USP34: variants seen among roughly 807,000 people sequenced by gnomAD.
USP34 encodes the protein ubiquitin specific peptidase 34, also known as ubiquitin carboxyl-terminal hydrolase 34.
A neutral mutation model predicts 460.3 loss-of-function variants in USP34; 70 were observed. The observed-to-expected ratio is 0.15, with a 90% confidence interval of 0.13 to 0.19. USP34 has a LOEUF of 0.19. Ranked by LOEUF, USP34 falls within the 10% of genes least tolerant of loss-of-function variation. USP34 has a pLI of 1.00. For missense variants in USP34, 3,985 were observed against 4,236.2 expected (o/e 0.94, Z 1.65); for synonymous variants, 1,647 against 1,405.3 (o/e 1.17, Z -3.85).
intron 1 of USP34, among the ~76,000 whole-genome samples, chr2:61,440,809 C>G (rs1305398133): frequency 1.3e-5 from 2 of 151,574 alleles, no homozygotes; most frequent in Non-Finnish European, 2.9e-5. Flanking sequence ...TAAGGCACCA[C>G]ACCCGGCCTA....
rs191491262 is a variant in USP34 at position 61,395,129 on chromosome 2, C to T, written c.603+54G>A. 33 of 1,460,012 alleles carry T rather than the reference C, an allele frequency of 2.3e-5. No homozygotes were observed. In the African/African-American group the frequency reaches 4.8e-4, roughly 21 times the overall value. 90.4% of individuals were successfully genotyped at this position (1,460,012 alleles called of 1,614,324 possible). ...TAAATAATAAAACATATGGATGAGG[C>T]TTTGTTAAAAAAATAAAATTTTCCA... is the stretch of plus-strand genomic sequence containing the variant. On this transcript the variant is annotated intron_variant, in intron 4 of 79. Transcript: ENST00000398571.
intron 1 of USP34, among the ~76,000 whole-genome samples, chr2:61,428,649 A>G (rs1347791316): frequency 6.6e-6 from 1 of 152,238 alleles, no homozygotes; most frequent in African/African-American, 2.4e-5. Flanking sequence ...TTACACAAGG[A>G]TAAAATCTGC....
chr2:61,238,570 A>C (rs190868008), intron 53 of USP34, among the ~76,000 whole-genome samples: 1 of 152,338 alleles, frequency 6.6e-6, no homozygotes, highest in African/African-American at 2.4e-5. Context: ...CTTTGGGATT[A>C]ATAACTATGC....
At chr2:61,249,323 C>T (rs2167565) in intron 48 of USP34, among the ~76,000 whole-genome samples, 106,802 of 152,144 alleles carry the variant, frequency 0.7, 37,656 homozygotes, top group South Asian at 0.81. Context: ...CCAAAAGGGC[C>T]ACTAAGTGAC....
rs141872991 is a variant in USP34 at position 61,367,321 on chromosome 2, C to T, written c.1251+3000G>A. Among the ~76,000 whole-genome samples, 507 of 150,246 alleles carry T rather than the reference C, an allele frequency of 3.4e-3. 2 individuals are homozygous for T. Among genetic ancestry groups the T allele is most frequent in the African/African-American group, 0.011 (438 of 41,298 alleles). On this transcript the variant is annotated intron_variant, in intron 10 of 79. Coordinates refer to ENST00000398571, the MANE Select transcript of USP34 (RefSeq NM_014709.4). ...GCACGAGTGCGCGCGCACACACACA[C>T]GCGCGCGCACACACACAAATGCAAT...
At position 61,190,427 on chromosome 2, in the gene USP34, A is replaced by AT. The variant is rs1012721307; in HGVS notation, c.9730-14dup. On this transcript the variant is annotated splice_polypyrimidine_tract_variant and intron_variant, in intron 77 of 79. Coordinates refer to ENST00000398571, the MANE Select transcript of USP34 (RefSeq NM_014709.4). The stretch of plus-strand genomic sequence containing the variant: ...CTTGACTTTGAACCTGAAAAAGAAG[A>AT]TTTAAAAAAATCTCCAAAAGACCAG... The AT allele has an allele frequency of 2.5e-6, 4 of 1,598,334 alleles. No homozygotes were observed. The African/African-American group carries it at 5.4e-5, about 22-fold the overall frequency.
intron 20 of USP34, among the ~76,000 whole-genome samples, chr2:61,326,197 T>C (rs1053369478): frequency 5.9e-5 from 9 of 151,892 alleles, no homozygotes; most frequent in African/African-American, 2.2e-4. Flanking sequence ...TTTGCTTTTT[T>C]AAAAATTTGT....
At chr2:61,307,413 T>A (rs1690447276) in intron 27 of USP34, among the ~76,000 whole-genome samples, 1 of 152,028 alleles carries the variant, frequency 6.6e-6, no homozygotes, top group Non-Finnish European at 1.5e-5. Context: ...GTGTATACAT[T>A]TGTAACAAAC....
Position 61,348,807 on chromosome 2 carries a change from C to T in USP34, c.1623G>A (p.Glu541=). 1 of 1,613,828 alleles carries T rather than the reference C, an allele frequency of 6.2e-7. No homozygotes were observed. Among genetic ancestry groups the T allele is most frequent in the Non-Finnish European group, 8.5e-7 (1 of 1,179,886 alleles). ...QSGGSDIEMD[E]QLINRTKHVQ... ...CATGTTTGGTTCTATTAATAAGTTG[C>T]TCATCCATTTCAATGTCACTACCTC... The change falls in exon 14 of 80, where the codon GAG becomes GAA. Residue 541 remains glutamate (E), a synonymous_variant. Coordinates refer to ENST00000398571, the MANE Select transcript of USP34 (RefSeq NM_014709.4).
chr2:61,324,800 C>G (rs1416964393), intron 21 of USP34, among the ~76,000 whole-genome samples: 3 of 151,366 alleles, frequency 2.0e-5, no homozygotes, highest in African/African-American at 7.3e-5. Context: ...TCTTATAGAA[C>G]TAAAAAAAAA....
intron 14 of USP34, 21 bp downstream of exon 14, chr2:61,348,735 A>G (rs775951849): frequency 8.7e-6 from 14 of 1,603,688 alleles, no homozygotes; most frequent in Admixed American, 1.8e-5. Flanking sequence ...CCTATAAAAG[A>G]AGAAAAACCT....
chr2:61,311,904 T>C lies in USP34; in HGVS notation c.3549A>G (p.Ala1183=), dbSNP rs772269416. ...THLEAFRRRF[A]YHLRQWQIEG... The stretch of plus-strand genomic sequence containing the variant: ...CAATTTGCCACTGTCTCAGATGATA[T>C]GCAAACCTAAAACATGACACAAACA... Residue 1183 remains alanine (A), a synonymous_variant, in exon 26 of 80, where the codon GCA becomes GCG. Transcript: ENST00000398571. The C allele has an allele frequency of 1.7e-5, 28 of 1,612,754 alleles. No homozygotes were observed. The highest frequency in any genetic ancestry group is 2.3e-5 in the Non-Finnish European group (27 of 1,179,712).
At chr2:61,306,490 A>C (rs1339815542) in intron 27 of USP34, among the ~76,000 whole-genome samples, 3 of 152,218 alleles carry the variant, frequency 2.0e-5, no homozygotes, top group African/African-American at 7.2e-5. Context: ...GTATAGTTTG[A>C]AGTCAGGTAG....
intron 5 of USP34, among the ~76,000 whole-genome samples, chr2:61,386,405 A>G (rs563991211): frequency 1.5e-4 from 23 of 152,312 alleles, no homozygotes; most frequent in African/African-American, 5.5e-4. Context: ...ATAAATAAAA[A>G]TGTATTGCAG....
intron 1 of USP34, among the ~76,000 whole-genome samples, chr2:61,434,327 A>G (rs940856098): frequency 6.6e-6 from 1 of 151,894 alleles, no homozygotes; most frequent in African/African-American, 2.4e-5. Flanking sequence ...AAACAGCCCA[A>G]TGGGCAACAC....
rs1693860285 is a variant in USP34 at position 61,406,031 on chromosome 2, G to A, written c.229C>T (p.Leu77Phe). 6.2e-7 allele frequency: 1 copy of A among 1,613,610 alleles called. No homozygotes were observed. Among genetic ancestry groups the A allele is most frequent in the Non-Finnish European group, 8.5e-7 (1 of 1,179,928 alleles). ...CAATGTTTACAAAGCTGGTCCCGGAGCACTTGAACTTGGGCAATCACTAAG... is the reference window on the plus strand; with the variant it reads ...CAATGTTTACAAAGCTGGTCCCGGAACACTTGAACTTGGGCAATCACTAAG... ...INLVIAQVQV[L>F]RDQLCKHCTT... The change falls in exon 3 of 80, where the codon CTC (leucine) becomes TTC (phenylalanine). Residue 77 changes from leucine (L) to phenylalanine (F), a missense_variant. Physicochemically the swap from Leu to Phe is conservative, Grantham distance 22. Around this residue, in one of 14 missense-constraint regions of USP34, gnomAD observed 331 missense variants for 293.7 expected, o/e 1.13. Coordinates refer to ENST00000398571, the MANE Select transcript of USP34 (RefSeq NM_014709.4).
chr2:61,213,248 C>T (rs527880782), intron 68 of USP34, among the ~76,000 whole-genome samples: 7 of 152,178 alleles, frequency 4.6e-5, no homozygotes, highest in Non-Finnish European at 8.8e-5. Flanking sequence ...CTGCTGGGCT[C>T]GAGTGATCCG....
intron 27 of USP34, among the ~76,000 whole-genome samples, chr2:61,308,875 T>C (rs1690495686): frequency 6.6e-6 from 1 of 152,114 alleles, no homozygotes; most frequent in Non-Finnish European, 1.5e-5. Flanking sequence ...ACCCTGTCTC[T>C]ACTAAAAATA....
Position 61,401,540 on chromosome 2 carries a change from A to ATT in USP34, c.552+4166_552+4167dup, listed in dbSNP as rs1156550372. Among the ~76,000 whole-genome samples the ATT allele has an allele frequency of 3.4e-3, 213 of 62,432 alleles. 15 individuals are homozygous for ATT. The highest frequency in any genetic ancestry group is 0.011 in the Middle Eastern group (1 of 94). 41.0% of individuals were successfully genotyped at this position (62,432 alleles called of 152,430 possible). ...GGTGTGAGCCACTGTACCTGGCCCT[A>ATT]TTTTTTTTTTTTTTTTTTTTTTTTT... On this transcript the variant is annotated intron_variant, in intron 3 of 79. Transcript: ENST00000398571.
Sources: allele counts gnomAD v4.1 joint callset (sites outside exome capture counted in the v4.1 genomes callset), GRCh38; gene constraint gnomAD v4.1.1; regional missense constraint gnomAD v4.1.1; transcripts MANE v1.5; gene names NCBI Gene and HGNC (gene_info 2026-07-23, HGNC 2026-07-21).